Variants in OPRM1 observed in about 807,000 individuals in gnomAD.
The protein encoded by OPRM1 is mu-type opioid receptor.
OPRM1 carries 27 observed loss-of-function variants against 31.8 expected under a neutral mutation model. That is an observed-to-expected ratio of 0.85 (90% CI 0.63 to 1.17). The LOEUF (loss-of-function observed/expected upper bound fraction) is 1.17. Among genes scored for constraint, OPRM1 ranks in the 50% most tolerant of loss-of-function variants. The pLI is 0.00. For synonymous variants in OPRM1, 196 were observed against 189.9 expected, an observed-to-expected ratio of 1.03 and a Z score of -0.26; for missense variants, 536 against 511.1, an observed-to-expected ratio of 1.05 and a Z score of -0.47.
chr6:154,112,813 T>TAGGACC, intron 3 of OPRM1, among the ~76,000 whole-genome samples: 1 of 152,220 alleles, frequency 6.6e-6, no homozygotes, highest in East Asian at 1.9e-4. Context: ...TGACAAGGAC[T>TAGGACC]AGGACCAAAT....
chr6:154,085,888 C>CTT lies in OPRM1; in HGVS notation c.291-3922_291-3921dup, dbSNP rs779654564. On this transcript the variant is annotated intron_variant, in intron 1 of 3. Coordinates refer to ENST00000330432, the MANE Select transcript of OPRM1 (RefSeq NM_000914.5). ...CATCAGAACAGAATGAAAGCTTGCC[C>CTT]TTTTTTTTTTTTTTTTTGAGACAGT... Among the ~76,000 whole-genome samples, 9 of 123,968 alleles carry CTT rather than the reference C, an allele frequency of 7.3e-5. No individual in the cohort carries two copies. The South Asian group carries it at 7.4e-4, about 10-fold the overall frequency. 81.3% of individuals were successfully genotyped at this position (123,968 alleles called of 152,430 possible).
chr6:154,182,025 G>A (rs1800928124), intron 3 of OPRM1, among the ~76,000 whole-genome samples: 1 of 152,064 alleles, frequency 6.6e-6, no homozygotes, highest in African/African-American at 2.4e-5. Context: ...GCACATCTGC[G>A]CATGTATCCC....
chr6:154,183,709 G>T (rs1323061431), intron 3 of OPRM1, among the ~76,000 whole-genome samples: 1 of 152,028 alleles, frequency 6.6e-6, no homozygotes, highest in African/African-American at 2.4e-5. Flanking sequence ...GACCAGCCTG[G>T]CCAACAGGGT....
intron 3 of OPRM1, chr6:154,221,427 C>A: frequency 1.1e-6 from 1 of 883,476 alleles, no homozygotes; most frequent in Non-Finnish European, 1.8e-6. Flanking sequence ...GTAAACTTGT[C>A]TGCTTTCTTT....
intron 3 of OPRM1, among the ~76,000 whole-genome samples, chr6:154,240,601 G>A (rs995604183): frequency 1.3e-5 from 2 of 151,798 alleles, no homozygotes; most frequent in African/African-American, 2.4e-5. Flanking sequence ...TGACTTTCAA[G>A]TAACATTTTC....
chr6:154,119,354 C>T lies in OPRM1; in HGVS notation c.*633C>T. The T allele has an allele frequency of 2.0e-6, 2 of 984,984 alleles. No homozygotes were observed. The highest frequency in any genetic ancestry group is 9.4e-5 in the South Asian group (2 of 21,288). The allele number at this position is 984,984 out of a possible 1,614,324, so 61.0% of individuals were successfully genotyped here. A position where few individuals can be genotyped will look rare whatever the true frequency, so the allele number is the denominator to read the frequency against. ...TTAGCATGAAAGGTAATCTGAAACA[C>T]AGTCATGTGTCAGCTGTAGAAAGGT... On this transcript the variant is annotated 3_prime_UTR_variant, in exon 4 of 4. Coordinates refer to ENST00000330432, the MANE Select transcript of OPRM1 (RefSeq NM_000914.5).
chr6:154,234,486 C>T (rs2128629953), intron 3 of OPRM1, among the ~76,000 whole-genome samples: 1 of 152,350 alleles, frequency 6.6e-6, no homozygotes, highest in African/African-American at 2.4e-5. Context: ...AACCAGGATG[C>T]TATTCCCCTT....
At chr6:154,078,005 C>T (rs1361331261) in intron 1 of OPRM1, among the ~76,000 whole-genome samples, 1 of 152,160 alleles carries the variant, frequency 6.6e-6, no homozygotes, top group African/African-American at 2.4e-5. Flanking sequence ...CTGCATTCCG[C>T]AAATTTGACC....
rs571949116 is a variant in OPRM1 at position 154,206,287 on chromosome 6, G to A, written c.1165-40406G>A. Among the ~76,000 whole-genome samples, 319 of 152,334 alleles carry A rather than the reference G, an allele frequency of 2.1e-3. 1 individual carries two copies. Among genetic ancestry groups the A allele is most frequent in the African/African-American group, 7.6e-3 (314 of 41,574 alleles). On this transcript the variant is annotated intron_variant, in intron 3 of 3. Transcript: ENST00000337049. ...AAACTCATACAAGATTTCTGTGAGA[G>A]TCAAATGAAATCATTCTTCTCAAAG...
intron 3 of OPRM1, among the ~76,000 whole-genome samples, chr6:154,149,245 T>C (rs1200966770): frequency 6.6e-6 from 1 of 152,144 alleles, no homozygotes; most frequent in Non-Finnish European, 1.5e-5. Flanking sequence ...CTTCTTTACA[T>C]GGCAGCAGGA....
chr6:154,134,789 G>A (rs992127366), downstream of OPRM1, among the ~76,000 whole-genome samples: 24 of 151,814 alleles, frequency 1.6e-4, no homozygotes, highest in Non-Finnish European at 3.1e-4. Context: ...AATTTAACAT[G>A]CATTTTTTTT....
chr6:154,078,697 C>T (rs995208594), intron 1 of OPRM1, among the ~76,000 whole-genome samples: 1 of 152,086 alleles, frequency 6.6e-6, no homozygotes, highest in Non-Finnish European at 1.5e-5. Context: ...ATGGCAAAAC[C>T]CCATCTCTCA....
At chr6:154,087,057 C>G (rs1274437624) in intron 1 of OPRM1, 1 of 983,546 alleles carries the variant, frequency 1.0e-6, no homozygotes, top group Non-Finnish European at 1.2e-6. Flanking sequence ...AAATTATTTT[C>G]TCTCCTCAAG....
At chr6:154,081,657 A>T (rs1268089414) in intron 1 of OPRM1, among the ~76,000 whole-genome samples, 1 of 152,252 alleles carries the variant, frequency 6.6e-6, no homozygotes, top group Non-Finnish European at 1.5e-5. Context: ...GTCATATTTG[A>T]AAAGAAGATA....
At position 154,125,630 on chromosome 6, in the gene OPRM1, T is replaced by C. The variant is rs1797543849; in HGVS notation, c.*6909T>C. The stretch of plus-strand genomic sequence containing the variant: ...TTCCAGAGAAAGGTGGTTTCCAATA[T>C]TACCTACAACTTCCTTTGCAATTTG... On this transcript the variant is annotated 3_prime_UTR_variant, in exon 4 of 4. Transcript: ENST00000330432. 6.6e-6 allele frequency among the ~76,000 whole-genome samples: 1 copy of C among 152,206 alleles called. No individual in the cohort carries two copies. Among genetic ancestry groups the C allele is most frequent in the Non-Finnish European group, 1.5e-5 (1 of 68,046 alleles).
At chr6:154,029,774 G>C (rs1376885300) in intron 1 of OPRM1, among the ~76,000 whole-genome samples, 1 of 152,182 alleles carries the variant, frequency 6.6e-6, no homozygotes, top group Admixed American at 6.5e-5. Flanking sequence ...CTGTTCTCAT[G>C]GTAGTGAATG....
rs1396109329 is a variant in OPRM1, at chr6:154,168,894, C to A, written c.1164+77422C>A. Among the ~76,000 whole-genome samples, 1 of 152,046 alleles carries A rather than the reference C, an allele frequency of 6.6e-6. No homozygotes were observed. Among genetic ancestry groups the A allele is most frequent in the Non-Finnish European group, 1.5e-5 (1 of 68,018 alleles). On this transcript the variant is annotated intron_variant, in intron 3 of 3. Coordinates refer to the OPRM1 transcript ENST00000337049. This position sits in a 1 kb window ranked among gnomAD's most constrained non-coding sequence, Gnocchi z 4.1. Reference sequence around the variant, plus strand: ...GTGCTGGGATTACAGGTGTGAGCCACCACGCCCAGCCCAACATATGAATTT... The same window carrying A: ...GTGCTGGGATTACAGGTGTGAGCCAACACGCCCAGCCCAACATATGAATTT...
chr6:154,206,353 T>G (rs1024350345), intron 3 of OPRM1, among the ~76,000 whole-genome samples: 1 of 152,212 alleles, frequency 6.6e-6, no homozygotes, highest in African/African-American at 2.4e-5. Context: ...AGTATATTTC[T>G]CATTCACATG....
At position 154,128,679 on chromosome 6, in the gene OPRM1, C is replaced by G. The variant is rs1347638840; in HGVS notation, c.*9958C>G. Among the ~76,000 whole-genome samples the G allele has an allele frequency of 1.3e-5, 2 of 152,178 alleles. No individual in the cohort carries two copies. Among genetic ancestry groups the G allele is most frequent in the Non-Finnish European group, 2.9e-5 (2 of 68,042 alleles). On this transcript the variant is annotated 3_prime_UTR_variant, in exon 4 of 4. Coordinates refer to ENST00000330432, the MANE Select transcript of OPRM1 (RefSeq NM_000914.5). ...AGCAATCATACTGGTTGTTCTCGAA[C>G]TAGCTGGTTTCCCAGAGACAGCTGG...
Sources: allele counts gnomAD v4.1 joint callset (sites outside exome capture counted in the v4.1 genomes callset), GRCh38; gene constraint gnomAD v4.1.1; non-coding constraint Gnocchi (gnomAD v3.1); transcripts MANE v1.5; gene names NCBI Gene and HGNC (gene_info 2026-07-23, HGNC 2026-07-21).